Variants in PCBP3 observed in about 807,000 individuals in gnomAD.
PCBP3 encodes poly(rC)-binding protein 3.
A neutral mutation model predicts 52.7 loss-of-function variants in PCBP3; 25 were observed. That is an observed-to-expected ratio of 0.47 (90% CI 0.35 to 0.66). The LOEUF (loss-of-function observed/expected upper bound fraction) is 0.66. Among genes scored for constraint, PCBP3 ranks in the 30% least tolerant of loss-of-function variants. PCBP3 has a pLI of 0.01. For synonymous variants in PCBP3, 162 were observed against 183.0 expected (o/e 0.89, Z 0.93); for missense variants, 391 against 490.3 (o/e 0.80, Z 1.91).
chr21:45,909,970 A>ACACTTCCCAGATACGGACCCCCCCACACC (rs2096324432), intron 10 of PCBP3, among the ~76,000 whole-genome samples: 1 of 23,932 alleles, frequency 4.2e-5, no homozygotes, highest in Non-Finnish European at 7.3e-5. Context: ...CCCCCCACAC[A>ACACTTCCCAGATACGGACCCCCCCACACC]CACTTCCCAG....
intron 1 of PCBP3, among the ~76,000 whole-genome samples, chr21:45,655,463 T>A (rs2079955430): frequency 6.6e-6 from 1 of 152,182 alleles, no homozygotes; most frequent in Non-Finnish European, 1.5e-5. Flanking sequence ...TATAGCCATG[T>A]AGTGGGTGGG....
At chr21:45,713,482 C>G (rs1354061011) in intron 2 of PCBP3, among the ~76,000 whole-genome samples, 2 of 152,230 alleles carry the variant, frequency 1.3e-5, no homozygotes, top group African/African-American at 2.4e-5. Flanking sequence ...ATGCGGAGTT[C>G]TTACCTACCC....
chr21:45,914,425 A>G, intron 12 of PCBP3: 1 of 401,988 alleles, frequency 2.5e-6, no homozygotes, highest in Non-Finnish European at 4.4e-6. Flanking sequence ...CGTGTTCCCA[A>G]ACTCCCAGGA....
chr21:45,876,428 C>T (rs934882816), intron 5 of PCBP3, among the ~76,000 whole-genome samples: 2 of 152,078 alleles, frequency 1.3e-5, no homozygotes, highest in Non-Finnish European at 2.9e-5. Context: ...GTGGCTGGGC[C>T]GCTGGAGCAG....
rs2096282306 is a variant in PCBP3 at position 45,909,429 on chromosome 21, C to T, written c.414C>T (p.Ala138=). 1.2e-6 allele frequency: 2 copies of T among 1,613,534 alleles called. No homozygotes were observed. Among genetic ancestry groups the T allele is most frequent in the Non-Finnish European group, 1.7e-6 (2 of 1,179,794 alleles). The change falls in exon 10 of 18, where the codon GCC becomes GCT. Residue 138 remains alanine, a synonymous_variant. Coordinates refer to ENST00000681687, the MANE Select transcript of PCBP3 (RefSeq NM_001384156.1). ...TGACGCTGAGGCTGGTGGTGCCTGC[C>T]AGCCAGTGTGGGTCCCTGATCGGCA... ...PPVTLRLVVP[A]SQCGSLIGKG...
chr21:45,798,550 G>T (rs1603431550), intron 4 of PCBP3, among the ~76,000 whole-genome samples: 1 of 152,380 alleles, frequency 6.6e-6, no homozygotes, highest in South Asian at 2.1e-4. Flanking sequence ...GTACATGGAT[G>T]AATGCATGGA....
chr21:45,864,755 T>G (rs2094645130), intron 5 of PCBP3, among the ~76,000 whole-genome samples: 1 of 152,328 alleles, frequency 6.6e-6, no homozygotes, highest in Non-Finnish European at 1.5e-5. Flanking sequence ...GTTTTTCCTT[T>G]CAGAGATAAA....
intron 4 of PCBP3, among the ~76,000 whole-genome samples, chr21:45,758,579 G>T (rs2088301154): frequency 6.6e-6 from 1 of 151,550 alleles, no homozygotes; most frequent in Non-Finnish European, 1.5e-5. Flanking sequence ...AAATGTAATT[G>T]TTTTCTTAAT....
Position 45,850,058 on chromosome 21 carries a change from G to T in PCBP3, c.-28G>T, listed in dbSNP as rs1035552909. On this transcript the variant is annotated 5_prime_UTR_variant, in exon 5 of 18. Transcript: ENST00000681687. ...TACGTCTGAACCTTTGCTGTCTATG[G>T]ATCTGCTCTAAACCTTATAGCCTGC... 6.5e-7 allele frequency: 1 copy of T among 1,545,914 alleles called. No individual in the cohort carries two copies. Among genetic ancestry groups the T allele is most frequent in the African/African-American group, 1.4e-5 (1 of 72,942 alleles).
chr21:45,874,135 CT>C (rs2095153578), intron 5 of PCBP3, among the ~76,000 whole-genome samples: 1 of 152,170 alleles, frequency 6.6e-6, no homozygotes, highest in Non-Finnish European at 1.5e-5. Context: ...GCCCGCTTGT[CT>C]ATTCTTATGC....
Position 45,819,100 on chromosome 21 carries a change from T to TTTGCCCAAACCACAGAGTAC in PCBP3, c.-125-30860_-125-30841dup, listed in dbSNP as rs549776454. Among the ~76,000 whole-genome samples, 52 of 152,298 alleles carry TTTGCCCAAACCACAGAGTAC rather than the reference T, an allele frequency of 3.4e-4. No homozygotes were observed. The East Asian group carries it at 9.7e-3, about 28-fold the overall frequency. On this transcript the variant is annotated intron_variant, in intron 4 of 17. Coordinates refer to ENST00000681687, the MANE Select transcript of PCBP3 (RefSeq NM_001384156.1). Reference sequence around the variant, plus strand: ...AATGGTGGATGCGTGTCATTACACATTTGCCCAAACCACAGAGTACAGCAC... The same window carrying TTTGCCCAAACCACAGAGTAC: ...AATGGTGGATGCGTGTCATTACACATTTGCCCAAACCACAGAGTACTTGCCCAAACCACAGAGTACAGCAC...
intron 5 of PCBP3, among the ~76,000 whole-genome samples, chr21:45,867,703 G>A (rs535264928): frequency 6.6e-6 from 1 of 152,372 alleles, no homozygotes; most frequent in South Asian, 2.1e-4. Context: ...TCGTGGAGAC[G>A]GATAGCTGTC....
chr21:45,708,370 A>G (rs1203406533), intron 2 of PCBP3, among the ~76,000 whole-genome samples: 1 of 152,138 alleles, frequency 6.6e-6, no homozygotes, highest in East Asian at 1.9e-4. Flanking sequence ...TGCTGCTGTG[A>G]GAGTTCAGGG....
chr21:45,663,162 C>T (rs1414702606), intron 1 of PCBP3, among the ~76,000 whole-genome samples: 1 of 150,072 alleles, frequency 6.7e-6, no homozygotes, highest in African/African-American at 2.4e-5. Context: ...TAAGCTGTCT[C>T]CTCTCTCTCT....
rs536910869 is a variant in PCBP3 at position 45,694,953 on chromosome 21, A to G, written c.-200+26001A>G. Among the ~76,000 whole-genome samples the G allele has an allele frequency of 6.6e-5, 10 of 152,342 alleles. No homozygotes were observed. The East Asian group carries it at 1.9e-3, about 29-fold the overall frequency. ...TTGTTTTTTTTAGGTGTAAATCAGC[A>G]TGTTTATTCTAAAACATATAAAGAT... On this transcript the variant is annotated intron_variant, in intron 2 of 17. Transcript: ENST00000681687.
chr21:45,875,081 A>G (rs1000687943), intron 5 of PCBP3, among the ~76,000 whole-genome samples: 1 of 152,236 alleles, frequency 6.6e-6, no homozygotes, highest in Admixed American at 6.5e-5. Context: ...GTCGCCCCTG[A>G]CGCGGCACCT....
At chr21:45,857,573 C>T (rs79863807) in intron 5 of PCBP3, among the ~76,000 whole-genome samples, 1 of 152,134 alleles carries the variant, frequency 6.6e-6, no homozygotes, top group Non-Finnish European at 1.5e-5. Flanking sequence ...TATAACCCCC[C>T]ACCTTTGAGC....
At chr21:45,664,432 A>G (rs1438560747) in intron 1 of PCBP3, among the ~76,000 whole-genome samples, 4 of 150,058 alleles carry the variant, frequency 2.7e-5, no homozygotes, top group African/African-American at 9.8e-5. Context: ...ATTGCCAGCA[A>G]ATGTGCACTA....
chr21:45,786,198 CA>C lies in PCBP3; in HGVS notation c.-126+30758del, dbSNP rs113617029. The stretch of plus-strand genomic sequence containing the variant: ...AGTTTCCAAAAAAAATAAAAAGTTT[CA>C]AAAAAAAAAAATAGTGCCAGTGAGC... On this transcript the variant is annotated intron_variant, in intron 4 of 17. Transcript: ENST00000681687. 9.6e-3 allele frequency among the ~76,000 whole-genome samples: 1,340 copies of C among 140,292 alleles called. 18 individuals are homozygous for C. Among genetic ancestry groups the C allele is most frequent in the African/African-American group, 0.028 (1,086 of 38,270 alleles). 92.0% of individuals were successfully genotyped at this position (140,292 alleles called of 152,430 possible).
Sources: allele counts gnomAD v4.1 joint callset (sites outside exome capture counted in the v4.1 genomes callset), GRCh38; gene constraint gnomAD v4.1.1; transcripts MANE v1.5; gene names NCBI Gene and HGNC (gene_info 2026-07-23, HGNC 2026-07-21).